Variants in ZMYM2 observed in about 807,000 individuals in gnomAD.
ZMYM2 encodes the protein zinc finger MYM-type containing 2.
A neutral mutation model predicts 162.8 loss-of-function variants in ZMYM2; 56 were observed. That is an observed-to-expected ratio of 0.34 (90% CI 0.28 to 0.43). The LOEUF (loss-of-function observed/expected upper bound fraction) is 0.43, where lower values mean the gene tolerates loss of function less well. Among genes scored for constraint, ZMYM2 ranks in the 20% least tolerant of loss-of-function variants. ZMYM2 has a pLI of 1.00. For missense variants in ZMYM2, 1,275 were observed against 1,621.8 expected, an observed-to-expected ratio of 0.79 and a Z score of 3.67; for synonymous variants, 510 against 541.6, an observed-to-expected ratio of 0.94 and a Z score of 0.81.
At chr13:19,953,587 G>A in the ZMYM2 span, among the ~76,000 whole-genome samples, 1 of 148,418 alleles carries the variant, frequency 6.7e-6, no homozygotes, top group Admixed American at 6.9e-5. Context: ...AGGAGGCTGA[G>A]GCAGAAGAAT....
the ZMYM2 span, among the ~76,000 whole-genome samples, chr13:19,902,729 T>C: frequency 6.6e-6 from 1 of 152,246 alleles, no homozygotes; most frequent in East Asian, 1.9e-4. Context: ...CAATTAAAAA[T>C]TAGCCAAATA....
In ZMYM2 at chr13:20,045,095, A is replaced by G. The variant is rs1278725221; in HGVS notation, c.2293-6338A>G. On this transcript the variant is annotated intron_variant, in intron 12 of 24. Transcript: ENST00000610343. The stretch of plus-strand genomic sequence containing the variant: ...AAAGCATGTGAAGACAGACATTATC[A>G]TGACTTCAAATTTGTTAAGGCCTCT... Among the ~76,000 whole-genome samples the G allele has an allele frequency of 1.3e-5, 2 of 151,346 alleles. 1 individual carries two copies. Among genetic ancestry groups the G allele is most frequent in the Non-Finnish European group, 2.9e-5 (2 of 67,914 alleles).
In ZMYM2 at chr13:20,087,112, A is replaced by G. The variant is rs1958319204; in HGVS notation, c.*1098A>G. 1 of 185,324 alleles carries G rather than the reference A, an allele frequency of 5.4e-6. No individual in the cohort carries two copies. 11.5% of individuals were successfully genotyped at this position (185,324 alleles called of 1,614,324 possible). A position where few individuals can be genotyped will look rare whatever the true frequency, so the allele number is the denominator to read the frequency against. On this transcript the variant is annotated 3_prime_UTR_variant, in exon 25 of 25. Coordinates refer to ENST00000610343, the MANE Select transcript of ZMYM2 (RefSeq NM_197968.4). ...GTCAAGCTATGTTAAATAAGATAGG[A>G]TCACATTTTATAATGAAGATTACCA...
the ZMYM2 span, among the ~76,000 whole-genome samples, chr13:19,930,713 TA>T: frequency 6.6e-6 from 1 of 151,382 alleles, no homozygotes. Flanking sequence ...CTAATTTATG[TA>T]TTTTTAGTAG....
chr13:20,042,888 T>C (rs771556921), intron 12 of ZMYM2, among the ~76,000 whole-genome samples: 3 of 152,074 alleles, frequency 2.0e-5, no homozygotes, highest in Non-Finnish European at 4.4e-5. Flanking sequence ...AACACCCAGC[T>C]CATTTTTGTA....
rs1458273136 is a variant in ZMYM2 at position 20,088,095 on chromosome 13, A to G, written c.*2081A>G. 3 of 199,592 alleles carry G rather than the reference A, an allele frequency of 1.5e-5. No individual in the cohort carries two copies. The highest frequency in any genetic ancestry group is 1.6e-4 in the East Asian group (2 of 12,846). 12.4% of individuals were successfully genotyped at this position (199,592 alleles called of 1,614,324 possible). On this transcript the variant is annotated 3_prime_UTR_variant, in exon 25 of 25. Coordinates refer to ENST00000610343, the MANE Select transcript of ZMYM2 (RefSeq NM_197968.4). ...TGCTATTTACAGTTTCTTCATTTGT[A>G]TATTTTTAGCTTTTCTAAGTGGAAA...
chr13:20,075,670 C>CTTTTTTTTTTTTTTT lies in ZMYM2; in HGVS notation c.3454-6328_3454-6314dup, dbSNP rs56664916. On this transcript the variant is annotated intron_variant, in intron 21 of 24. Transcript: ENST00000610343. ...TTATTATGAATAGAACTATAGACAC[C>CTTTTTTTTTTTTTTT]TTTTTTTTTTTTTTTTTTTTTTTTT... 5.9e-4 allele frequency among the ~76,000 whole-genome samples: 45 copies of CTTTTTTTTTTTTTTT among 75,712 alleles called. 1 individual carries two copies. Among genetic ancestry groups the CTTTTTTTTTTTTTTT allele is most frequent in the African/African-American group, 1.6e-3 (29 of 18,450 alleles). 49.7% of individuals were successfully genotyped at this position (75,712 alleles called of 152,430 possible).
At chr13:19,898,195 A>G in the ZMYM2 span, among the ~76,000 whole-genome samples, 1 of 152,164 alleles carries the variant, frequency 6.6e-6, no homozygotes, top group Non-Finnish European at 1.5e-5. Context: ...AAAGAAAAGT[A>G]GAAAAGTAAA....
intron 2 of ZMYM2, among the ~76,000 whole-genome samples, chr13:19,963,252 G>T (rs1393661418): frequency 6.6e-6 from 1 of 152,144 alleles, no homozygotes; most frequent in Non-Finnish European, 1.5e-5. Context: ...GAAATAAATT[G>T]CTTTGACTCC....
chr13:19,938,725 T>G, the ZMYM2 span, among the ~76,000 whole-genome samples: 1 of 147,284 alleles, frequency 6.8e-6, no homozygotes. Context: ...AAATAGACCT[T>G]TTTTTTTTTT....
At chr13:19,944,732 C>T in the ZMYM2 span, among the ~76,000 whole-genome samples, 25 of 152,196 alleles carry the variant, frequency 1.6e-4, no homozygotes, top group Admixed American at 6.5e-4. Context: ...GGCAGTGGCG[C>T]GATCTCAGCT....
At chr13:19,912,292 GTTT>G in the ZMYM2 span, among the ~76,000 whole-genome samples, 313 of 75,706 alleles carry the variant, frequency 4.1e-3, 2 homozygotes, top group South Asian at 0.033. Flanking sequence ...TGTTTTTTGG[GTTT>G]TTTTTTTTTT....
intron 2 of ZMYM2, among the ~76,000 whole-genome samples, chr13:19,979,969 C>T (rs1276070444): frequency 2.0e-5 from 3 of 152,100 alleles, no homozygotes; most frequent in African/African-American, 7.2e-5. Context: ...AAGTCTCTGT[C>T]TTCATCTGTA....
At chr13:19,973,005 C>T (rs1037405689) in intron 2 of ZMYM2, among the ~76,000 whole-genome samples, 6 of 150,848 alleles carry the variant, frequency 4.0e-5, no homozygotes, top group Admixed American at 6.6e-5. Flanking sequence ...GGTGCGATCT[C>T]GGCTCACTGC....
intron 21 of ZMYM2, among the ~76,000 whole-genome samples, chr13:20,077,680 A>G (rs1224246690): frequency 6.6e-6 from 1 of 152,170 alleles, no homozygotes; most frequent in East Asian, 1.9e-4. Context: ...ACCAGGAACT[A>G]CTTAGCCTGG....
chr13:20,048,038 A>T, intron 12 of ZMYM2, among the ~76,000 whole-genome samples: 1 of 152,056 alleles, frequency 6.6e-6, no homozygotes, highest in Non-Finnish European at 1.5e-5. Flanking sequence ...TGGTAAAGAT[A>T]ATATTTCAAA....
the ZMYM2 span, among the ~76,000 whole-genome samples, chr13:19,938,848 A>G: frequency 6.6e-6 from 1 of 151,608 alleles, no homozygotes; most frequent in African/African-American, 2.4e-5. Flanking sequence ...CAATTTTTTC[A>G]TATTGTTTTT....
At chr13:19,870,549 T>TCC in the ZMYM2 span, among the ~76,000 whole-genome samples, 20,509 of 131,084 alleles carry the variant, frequency 0.16, 2,027 homozygotes, top group Non-Finnish European at 0.22. Context: ...CTTTCTTTCT[T>TCC]TCTTCCTTCC....
the ZMYM2 span, among the ~76,000 whole-genome samples, chr13:19,940,168 C>T: frequency 6.6e-6 from 1 of 151,818 alleles, no homozygotes; most frequent in Non-Finnish European, 1.5e-5. Flanking sequence ...ATGTCTAATA[C>T]CTAATTTTAA....
Sources: allele counts gnomAD v4.1 joint callset (sites outside exome capture counted in the v4.1 genomes callset), GRCh38; gene constraint gnomAD v4.1.1; transcripts MANE v1.5; gene names NCBI Gene and HGNC (gene_info 2026-07-23, HGNC 2026-07-21).